The following WDR64 variants were observed in gnomAD, a reference collection of about 807,000 sequenced individuals.
The protein encoded by WDR64 is WD repeat-containing protein 64.
Under a neutral mutation model 139.3 loss-of-function variants are expected in WDR64, and 112 were observed. The observed-to-expected ratio is 0.80, with a 90% confidence interval of 0.69 to 0.94. The LOEUF (loss-of-function observed/expected upper bound fraction) is 0.94. WDR64 is among the 40% of genes least tolerant of loss of function. The probability of loss-of-function intolerance (pLI) is 0.00; values close to 1 mark genes in which losing one functional copy is unlikely to be tolerated. For synonymous variants in WDR64, 444 were observed against 437.7 expected (o/e 1.01, Z -0.18); for missense variants, 1,206 against 1,293.1 (o/e 0.93, Z 1.03).
chr1:241,766,377 A>G, intron 16 of WDR64, 26 bp downstream of exon 16: 1 of 1,609,096 alleles, frequency 6.2e-7, no homozygotes, highest in Non-Finnish European at 8.5e-7. Flanking sequence ...TCCTTAAACA[A>G]TGTAAAAGCT....
chr1:241,659,778 G>T (rs531617899), intron 1 of WDR64, among the ~76,000 whole-genome samples: 1 of 152,098 alleles, frequency 6.6e-6, no homozygotes. Context: ...TTGTAAATTT[G>T]CTTAAGTTCC....
chr1:241,747,738 G>A (rs539771160), intron 13 of WDR64, among the ~76,000 whole-genome samples: 1 of 152,260 alleles, frequency 6.6e-6, no homozygotes, highest in South Asian at 2.1e-4. Context: ...GAGAATCGAT[G>A]TTGCAGGCAA....
intron 10 of WDR64, among the ~76,000 whole-genome samples, chr1:241,737,609 T>C (rs1262420997): frequency 6.6e-6 from 1 of 152,174 alleles, no homozygotes; most frequent in Non-Finnish European, 1.5e-5. Context: ...TATTGATCAA[T>C]CAACACTTAT....
At chr1:241,783,232 A>C (rs1349788316) in intron 22 of WDR64, 40 bp from the exon 23 acceptor site, 1 of 1,531,394 alleles carries the variant, frequency 6.5e-7, no homozygotes, top group East Asian at 2.3e-5. Context: ...TTACTAGCAT[A>C]TAGTTATTCC....
At chr1:241,692,932 A>T (rs1393147587) in intron 8 of WDR64, among the ~76,000 whole-genome samples, 1 of 152,236 alleles carries the variant, frequency 6.6e-6, no homozygotes, top group Admixed American at 6.5e-5. Flanking sequence ...TGGGGTGTGG[A>T]GCAAAAGGGA....
chr1:241,735,533 C>CCCTTTT (rs1237771842), intron 10 of WDR64, among the ~76,000 whole-genome samples: 27 of 103,490 alleles, frequency 2.6e-4, no homozygotes, highest in Admixed American at 5.7e-4. Context: ...CTCTCTCTCT[C>CCCTTTT]TTTTTTTTTT....
intron 27 of WDR64, among the ~76,000 whole-genome samples, chr1:241,796,725 C>T (rs940558411): frequency 6.6e-6 from 1 of 152,094 alleles, no homozygotes; most frequent in Non-Finnish European, 1.5e-5. Flanking sequence ...AACTCCTGAC[C>T]TCAGGTGATC....
At chr1:241,785,504 T>C (rs183312392) in intron 23 of WDR64, among the ~76,000 whole-genome samples, 2 of 152,340 alleles carry the variant, frequency 1.3e-5, no homozygotes, top group Admixed American at 6.5e-5. Context: ...ACTTCGGGGA[T>C]TAAGTTTCAA....
At chr1:241,745,763 T>C (rs544911745) in intron 13 of WDR64, among the ~76,000 whole-genome samples, 6 of 152,150 alleles carry the variant, frequency 3.9e-5, no homozygotes, top group African/African-American at 1.2e-4. Context: ...CTCTGTTAAA[T>C]TGACAGAGAT....
intron 4 of WDR64, among the ~76,000 whole-genome samples, chr1:241,674,969 T>C (rs1450515535): frequency 2.9e-3 from 33 of 11,424 alleles, no homozygotes; most frequent in Non-Finnish European, 6.4e-3. Context: ...CTCCCTTCTT[T>C]TTCTTTCCTT....
chr1:241,687,692 A>T (rs1232313073), intron 8 of WDR64, 97 bp downstream of exon 8: 2 of 1,269,570 alleles, frequency 1.6e-6, no homozygotes, highest in Non-Finnish European at 2.2e-6. Flanking sequence ...AACTGGCTTT[A>T]AAAAAATCGG....
At chr1:241,737,210 AT>A (rs1669363037) in intron 10 of WDR64, among the ~76,000 whole-genome samples, 2 of 152,216 alleles carry the variant, frequency 1.3e-5, no homozygotes, top group South Asian at 4.1e-4. Flanking sequence ...ATAAATTTCA[AT>A]GGTACAAGTT....
At chr1:241,695,777 T>C (rs1667459633) in intron 8 of WDR64, among the ~76,000 whole-genome samples, 1 of 152,156 alleles carries the variant, frequency 6.6e-6, no homozygotes, top group African/African-American at 2.4e-5. Context: ...CTGGTGCATT[T>C]AATTGCCTAT....
intron 8 of WDR64, among the ~76,000 whole-genome samples, chr1:241,702,010 A>G (rs1261257065): frequency 6.6e-6 from 1 of 152,204 alleles, no homozygotes; most frequent in African/African-American, 2.4e-5. Context: ...TTCAGAAGTG[A>G]TTACCATTCT....
intron 9 of WDR64, among the ~76,000 whole-genome samples, chr1:241,715,761 G>T (rs192236759): frequency 6.6e-6 from 1 of 152,134 alleles, no homozygotes; most frequent in Admixed American, 6.5e-5. Flanking sequence ...AATACAAAAT[G>T]TTAAGAACTG....
At chr1:241,696,113 CAAA>C (rs541301982) in intron 8 of WDR64, among the ~76,000 whole-genome samples, 4 of 22,322 alleles carry the variant, frequency 1.8e-4, no homozygotes, top group Admixed American at 7.6e-4. Flanking sequence ...GACCCAGTAT[CAAA>C]AAAAAAAAAA....
intron 8 of WDR64, among the ~76,000 whole-genome samples, chr1:241,696,331 G>T (rs1050233607): frequency 3.3e-5 from 5 of 151,712 alleles, no homozygotes; most frequent in Non-Finnish European, 5.9e-5. Context: ...TTTGTTATTG[G>T]AAAGGGATCC....
chr1:241,716,027 T>G (rs1668389198), intron 9 of WDR64, among the ~76,000 whole-genome samples: 1 of 152,190 alleles, frequency 6.6e-6, no homozygotes. Context: ...ATACTTTTCA[T>G]CATGCATAAT....
At chr1:241,710,920 G>A (rs1372852982) in intron 8 of WDR64, among the ~76,000 whole-genome samples, 2 of 152,106 alleles carry the variant, frequency 1.3e-5, no homozygotes, top group Non-Finnish European at 2.9e-5. Context: ...ATTTGGGTTG[G>A]GAATGAGGAA....
Sources: gnomAD v4.1 joint callset for allele counts (sites outside exome capture counted in the v4.1 genomes callset) on GRCh38, gnomAD v4.1.1 for gene constraint, MANE v1.5 for transcripts, NCBI Gene and HGNC (gene_info 2026-07-23, HGNC 2026-07-21) for gene names.